Variants in UNC5C observed in about 807,000 individuals in gnomAD.
UNC5C encodes unc-5 netrin receptor C, also known as netrin receptor UNC5C.
UNC5C carries 47 observed loss-of-function variants against 99.8 expected under a neutral mutation model. The observed-to-expected ratio is 0.47, with a 90% CI of 0.37 to 0.60. UNC5C has a LOEUF of 0.60. Among genes scored for constraint, UNC5C ranks in the 20% least tolerant of loss-of-function variants. The pLI, the probability that UNC5C is intolerant of heterozygous loss-of-function variation, is 0.00. For synonymous variants in UNC5C, 487 were observed against 452.2 expected, an observed-to-expected ratio of 1.08 and a Z score of -0.98; for missense variants, 1,062 against 1,165.9, an observed-to-expected ratio of 0.91 and a Z score of 1.30.
intron 1 of UNC5C, among the ~76,000 whole-genome samples, chr4:95,469,504 AT>A (rs2149473902): frequency 6.6e-6 from 1 of 152,292 alleles, no homozygotes; most frequent in East Asian, 1.9e-4. Context: ...CAAGATAAAA[AT>A]GTATTTTGCA....
rs554087921 is a variant in UNC5C at position 95,532,380 on chromosome 4, T to G, written c.124+16354A>C. Among the ~76,000 whole-genome samples, 5 of 151,588 alleles carry G rather than the reference T, an allele frequency of 3.3e-5. No individual in the cohort carries two copies. In the South Asian group the frequency reaches 1.0e-3, roughly 32 times the overall value. On this transcript the variant is annotated intron_variant, in intron 1 of 15. Transcript: ENST00000453304. ...GAAGTTTCAATGAACTTTACCAACC[T>G]GAGTCCTCAAAGTCCTTCCAAGATG...
At position 95,216,148 on chromosome 4, in the gene UNC5C, G is replaced by A; in HGVS notation, c.1709C>T (p.Thr570Ile). The change falls in exon 10 of 16, where the codon ACT becomes ATT. Residue 570 changes from threonine to isoleucine, a missense_variant. Physicochemically the swap from Thr to Ile is moderately conservative, Grantham distance 89 (BLOSUM62 -1). This residue lies in a region of UNC5C where 810 missense variants were observed against 854.5 expected (regional missense o/e 0.95). Transcript: ENST00000453304. Reference sequence around the variant, plus strand: ...CCTCATAGTTTCTTTCCTGTGTACAGTCACATACATTTCGTAGACTCTCCC... The same window carrying A: ...CCTCATAGTTTCTTTCCTGTGTACAATCACATACATTTCGTAGACTCTCCC... ...PQGRVYEMYV[T>I]VHRKETMRPP... 1 of 1,613,774 alleles carries A rather than the reference G, an allele frequency of 6.2e-7. No individual in the cohort carries two copies. Among genetic ancestry groups the A allele is most frequent in the South Asian group, 1.1e-5 (1 of 91,060 alleles).
intron 4 of UNC5C, among the ~76,000 whole-genome samples, chr4:95,264,310 T>A (rs187700523): frequency 6.6e-6 from 1 of 152,330 alleles, no homozygotes; most frequent in East Asian, 1.9e-4. Flanking sequence ...CTGAAGACCA[T>A]GCCCAATTGA....
chr4:95,478,552 A>G (rs1721031909), intron 1 of UNC5C, among the ~76,000 whole-genome samples: 1 of 151,924 alleles, frequency 6.6e-6, no homozygotes, highest in Admixed American at 6.6e-5. Context: ...CTGAGTGGTT[A>G]TTTCTATTCC....
In UNC5C at chr4:95,169,077, A is replaced by G. The variant is rs902612422; in HGVS notation, c.*157T>C. The G allele has an allele frequency of 5.9e-6, 5 of 843,512 alleles. No individual in the cohort carries two copies. Among genetic ancestry groups the G allele is most frequent in the South Asian group, 3.6e-5 (2 of 55,448 alleles). The allele number at this position is 843,512 out of a possible 1,614,324, so 52.3% of individuals were successfully genotyped here. A position where few individuals can be genotyped will look rare whatever the true frequency, so the allele number is the denominator to read the frequency against. On this transcript the variant is annotated 3_prime_UTR_variant, in exon 16 of 16. Coordinates refer to ENST00000453304, the MANE Select transcript of UNC5C (RefSeq NM_003728.4). ...ATGTCCGAGTAAAGTGGGCATGTAC[A>G]TGGGCAGTTGTATCTGTTTTCCTTC... is the stretch of plus-strand genomic sequence containing the variant.
intron 1 of UNC5C, among the ~76,000 whole-genome samples, chr4:95,485,567 T>C (rs1721302963): frequency 6.6e-6 from 1 of 151,780 alleles, no homozygotes; most frequent in Non-Finnish European, 1.5e-5. Context: ...CACAAATTAG[T>C]CGAACACCTT....
At chr4:95,273,932 T>C (rs900420557) in intron 4 of UNC5C, among the ~76,000 whole-genome samples, 1 of 152,112 alleles carries the variant, frequency 6.6e-6, no homozygotes, top group African/African-American at 2.4e-5. Context: ...ACACCCTTTT[T>C]CTAGAGCTTT....
At chr4:95,195,982 A>G (rs1045588224) in intron 12 of UNC5C, among the ~76,000 whole-genome samples, 4 of 152,172 alleles carry the variant, frequency 2.6e-5, no homozygotes, top group Admixed American at 6.5e-5. Context: ...TTCAATAAAT[A>G]TCATACACTG....
At chr4:95,270,865 C>G (rs1740634452) in intron 4 of UNC5C, among the ~76,000 whole-genome samples, 1 of 152,158 alleles carries the variant, frequency 6.6e-6, no homozygotes, top group South Asian at 2.1e-4. Context: ...AGTTCCTAAC[C>G]AGTTTTTACT....
chr4:95,170,947 C>A (rs1736074300), intron 14 of UNC5C, among the ~76,000 whole-genome samples: 1 of 152,198 alleles, frequency 6.6e-6, no homozygotes, highest in Non-Finnish European at 1.5e-5. Context: ...TGCCTTAGGG[C>A]AAGTTGTTAA....
chr4:95,412,764 C>A (rs781527973), intron 1 of UNC5C, among the ~76,000 whole-genome samples: 3 of 152,130 alleles, frequency 2.0e-5, no homozygotes, highest in Non-Finnish European at 4.4e-5. Flanking sequence ...CACCAACTGA[C>A]CCTGAAGTAG....
At chr4:95,196,239 A>T (rs1737377592) in intron 12 of UNC5C, among the ~76,000 whole-genome samples, 1 of 152,326 alleles carries the variant, frequency 6.6e-6, no homozygotes, top group Non-Finnish European at 1.5e-5. Flanking sequence ...AATGAAAGGA[A>T]AACACCTTTT....
intron 1 of UNC5C, among the ~76,000 whole-genome samples, chr4:95,493,953 T>C (rs1339392359): frequency 6.6e-6 from 1 of 151,450 alleles, no homozygotes; most frequent in Non-Finnish European, 1.5e-5. Context: ...CTTTTAAAAA[T>C]TGTATCTGCC....
chr4:95,369,881 T>A (rs879135925), intron 1 of UNC5C, among the ~76,000 whole-genome samples: 21 of 151,576 alleles, frequency 1.4e-4, no homozygotes, highest in Non-Finnish European at 2.4e-4. Flanking sequence ...AACTGCTTTT[T>A]GTAGCCCCCC....
chr4:95,290,194 T>C lies in UNC5C; in HGVS notation c.490+11412A>G, dbSNP rs114611313. ...GGTAGTAGGTATCTGTAGTCCCAGA[T>C]ACTAGGGAGGCTGAGGTGGGAGGAT... On this transcript the variant is annotated intron_variant, in intron 3 of 15. Coordinates refer to ENST00000453304, the MANE Select transcript of UNC5C (RefSeq NM_003728.4). 5.3e-5 allele frequency among the ~76,000 whole-genome samples: 8 copies of C among 152,032 alleles called. No individual in the cohort carries two copies. In the South Asian group the frequency reaches 1.0e-3, roughly 20 times the overall value.
chr4:95,375,381 G>A (rs1225627579), intron 1 of UNC5C, among the ~76,000 whole-genome samples: 1 of 151,924 alleles, frequency 6.6e-6, no homozygotes, highest in Non-Finnish European at 1.5e-5. Flanking sequence ...TCCAAACAGG[G>A]TAAAAAAATG....
chr4:95,437,806 G>T (rs1746836221), intron 1 of UNC5C, among the ~76,000 whole-genome samples: 1 of 152,024 alleles, frequency 6.6e-6, no homozygotes. Flanking sequence ...AAAAGCAATA[G>T]CCCTACTAAG....
chr4:95,458,209 G>T (rs1359703965), intron 1 of UNC5C, among the ~76,000 whole-genome samples: 1 of 152,038 alleles, frequency 6.6e-6, no homozygotes, highest in East Asian at 1.9e-4. Context: ...CCAAAATGGA[G>T]CTCAGCATTG....
At chr4:95,476,499 T>C (rs910925006) in intron 1 of UNC5C, among the ~76,000 whole-genome samples, 18 of 152,052 alleles carry the variant, frequency 1.2e-4, no homozygotes, top group African/African-American at 4.3e-4. Context: ...AAATATAACT[T>C]TTTAGAACTG....
Sources: allele counts gnomAD v4.1 joint callset (sites outside exome capture counted in the v4.1 genomes callset), GRCh38; gene constraint gnomAD v4.1.1; regional missense constraint gnomAD v4.1.1; transcripts MANE v1.5; gene names NCBI Gene and HGNC (gene_info 2026-07-23, HGNC 2026-07-21).